Variants in GRIN2B observed in about 807,000 individuals in gnomAD.
The protein encoded by GRIN2B is glutamate receptor ionotropic, NMDA 2B.
A neutral mutation model predicts 114.5 loss-of-function variants in GRIN2B; 5 were observed. That is an observed-to-expected ratio of 0.04 (90% CI 0.02 to 0.09). GRIN2B has a LOEUF of 0.09. Ranked by LOEUF, GRIN2B falls within the 10% of genes least tolerant of loss-of-function variation. The pLI is 1.00. For synonymous variants in GRIN2B, 787 were observed against 745.1 expected, an observed-to-expected ratio of 1.06 and a Z score of -0.92; for missense variants, 1,108 against 1,943.5, an observed-to-expected ratio of 0.57 and a Z score of 8.08.
chr12:13,877,015 G>A lies in GRIN2B; in HGVS notation c.-18-10789C>T, dbSNP rs144359234. ...ATAACAGAAGGGCAATACAATAAAC[G>A]CCAATATCATTTCCAACTTCTTGAT... On this transcript the variant is annotated intron_variant, in intron 2 of 13. Transcript: ENST00000609686. Among the ~76,000 whole-genome samples the A allele has an allele frequency of 1.8e-4, 28 of 152,250 alleles. No individual in the cohort carries two copies. In the East Asian group the frequency reaches 1.9e-3, roughly 10 times the overall value.
chr12:13,696,563 C>T (rs545078807), intron 4 of GRIN2B, among the ~76,000 whole-genome samples: 16 of 152,204 alleles, frequency 1.1e-4, no homozygotes, highest in African/African-American at 2.9e-4. Flanking sequence ...GCAGTCTCAC[C>T]GCCACTAAAA....
intron 4 of GRIN2B, among the ~76,000 whole-genome samples, chr12:13,692,760 CTTTTTTTTT>C (rs71067718): frequency 1.9e-5 from 1 of 52,132 alleles, no homozygotes; most frequent in Non-Finnish European, 3.6e-5. Flanking sequence ...TCTTTCTTTT[CTTTTTTTTT>C]TTTTTTTTTT....
At chr12:13,786,676 A>G (rs886323882) in intron 3 of GRIN2B, among the ~76,000 whole-genome samples, 16 of 149,452 alleles carry the variant, frequency 1.1e-4, no homozygotes, top group Admixed American at 2.7e-4. Context: ...GGCTGAGGGG[A>G]AAAAAAAAAG....
chr12:13,582,275 G>A (rs1948863451), intron 10 of GRIN2B, among the ~76,000 whole-genome samples: 1 of 152,196 alleles, frequency 6.6e-6, no homozygotes, highest in Non-Finnish European at 1.5e-5. Context: ...ATTATAAAGT[G>A]TTCATTGGAG....
chr12:13,564,864 G>GC lies in GRIN2B; in HGVS notation c.2599-226_2599-225insG, dbSNP rs1317725909. On this transcript the variant is annotated intron_variant, in intron 13 of 13. Transcript: ENST00000609686. The surrounding 1 kb of genome is among the most constrained non-coding windows in gnomAD (Gnocchi z 4.8). ...GAGGTCAGTGACCTGGCCATCAGAG[G>GC]GGGGGGCATGGCCCCACCCAGTAAC... 6.6e-6 allele frequency among the ~76,000 whole-genome samples: 1 copy of GC among 152,166 alleles called. No homozygotes were observed. Among genetic ancestry groups the GC allele is most frequent in the Non-Finnish European group, 1.5e-5 (1 of 68,018 alleles).
rs144197797 is a variant in GRIN2B at position 13,880,994 on chromosome 12, T to TTGTGTG, written c.-18-14774_-18-14769dup. Among the ~76,000 whole-genome samples the TTGTGTG allele has an allele frequency of 4.1e-3, 611 of 148,892 alleles. 3 individuals are homozygous for TTGTGTG. Among genetic ancestry groups the TTGTGTG allele is most frequent in the East Asian group, 8.8e-3 (45 of 5,128 alleles). ...CTTTGGCTGACAAAGGGGTATAAGGTTGTGTGTGTGTGTGTGTGTGCGCGT... is the reference window on the plus strand; with the variant it reads ...CTTTGGCTGACAAAGGGGTATAAGGTTGTGTGTGTGTGTGTGTGTGTGTGTGCGCGT... On this transcript the variant is annotated intron_variant, in intron 2 of 13. Coordinates refer to ENST00000609686, the MANE Select transcript of GRIN2B (RefSeq NM_000834.5).
rs1221078763 is a variant in GRIN2B, at chr12:13,563,811, A to T, written c.3427T>A (p.Ser1143Thr). The T allele has an allele frequency of 6.2e-6, 10 of 1,613,990 alleles. No individual in the cohort carries two copies. Among genetic ancestry groups the T allele is most frequent in the Non-Finnish European group, 8.5e-6 (10 of 1,180,018 alleles). Reference sequence around the variant, plus strand: ...AGGTCTACGTGCTCCCAGTGGGGTGAGTTCTCCTTTGTTCGGAACTGGTCC... The same window carrying T: ...AGGTCTACGTGCTCCCAGTGGGGTGTGTTCTCCTTTGTTCGGAACTGGTCC... Reference protein sequence around the residue: ...YLDQFRTKENSPHWEHVDLTD... With the variant: ...YLDQFRTKENTPHWEHVDLTD... Residue 1143 changes from serine to threonine, a missense_variant, in exon 14 of 14, where the codon TCA becomes ACA. Physicochemically the swap from Ser to Thr is moderately conservative, Grantham distance 58 (BLOSUM62 1). Coordinates refer to ENST00000609686, the MANE Select transcript of GRIN2B (RefSeq NM_000834.5).
At chr12:13,636,807 C>T (rs1194438976) in intron 5 of GRIN2B, among the ~76,000 whole-genome samples, 2 of 152,154 alleles carry the variant, frequency 1.3e-5, no homozygotes, top group East Asian at 3.9e-4. Flanking sequence ...CTCTGTATCT[C>T]TGTCTCTGAA....
intron 2 of GRIN2B, among the ~76,000 whole-genome samples, chr12:13,868,088 G>A (rs1290838231): frequency 6.6e-6 from 1 of 152,128 alleles, no homozygotes; most frequent in East Asian, 1.9e-4. Flanking sequence ...ATCCAATCCA[G>A]TTCTTGGCAG....
chr12:13,654,333 G>C (rs1047347064), intron 5 of GRIN2B, among the ~76,000 whole-genome samples: 1 of 152,156 alleles, frequency 6.6e-6, no homozygotes, highest in Non-Finnish European at 1.5e-5. Context: ...GAAAATATTT[G>C]AAAATGTGTG....
chr12:13,914,436 A>T (rs1176906005), intron 2 of GRIN2B, among the ~76,000 whole-genome samples: 1 of 152,200 alleles, frequency 6.6e-6, no homozygotes, highest in African/African-American at 2.4e-5. Flanking sequence ...GCTAGTGAGG[A>T]TGTGGAGAAA....
chr12:13,792,750 T>G (rs220556), intron 3 of GRIN2B, among the ~76,000 whole-genome samples: 148,651 of 152,278 alleles, frequency 0.98, 72,654 homozygotes, highest in Middle Eastern at 1. Flanking sequence ...GCCTAACACA[T>G]ATAGTGGTCC....
At chr12:13,569,461 C>A (rs574926430) in intron 12 of GRIN2B, among the ~76,000 whole-genome samples, 6 of 152,130 alleles carry the variant, frequency 3.9e-5, no homozygotes, top group Non-Finnish European at 7.4e-5. Context: ...AATCAGAGGT[C>A]AGGGGTATGC....
chr12:13,899,207 C>A (rs1302901551), intron 2 of GRIN2B, among the ~76,000 whole-genome samples: 1 of 152,042 alleles, frequency 6.6e-6, no homozygotes, highest in Admixed American at 6.6e-5. Context: ...AGGAGACTAA[C>A]TTGTGCAAAG....
At chr12:13,641,126 C>T (rs755893487) in intron 5 of GRIN2B, among the ~76,000 whole-genome samples, 9 of 151,866 alleles carry the variant, frequency 5.9e-5, no homozygotes, top group African/African-American at 9.7e-5. Flanking sequence ...GTCACCCAGA[C>T]GGTGGCACAA....
intron 2 of GRIN2B, among the ~76,000 whole-genome samples, chr12:13,889,742 T>C (rs561366343): frequency 1.3e-5 from 2 of 152,278 alleles, no homozygotes; most frequent in Non-Finnish European, 2.9e-5. Context: ...GCAGCAAGGA[T>C]GGATTTTCGC....
At chr12:13,898,728 A>C (rs914434896) in intron 2 of GRIN2B, among the ~76,000 whole-genome samples, 1 of 152,222 alleles carries the variant, frequency 6.6e-6, no homozygotes, top group African/African-American at 2.4e-5. Flanking sequence ...CCTGACCGAC[A>C]TGGAGAAACC....
intron 8 of GRIN2B, among the ~76,000 whole-genome samples, chr12:13,614,475 T>G (rs1187402744): frequency 6.6e-6 from 1 of 152,024 alleles, no homozygotes; most frequent in African/African-American, 2.4e-5. Context: ...AAAGACCTCA[T>G]CTAATTGAAA....
At chr12:13,670,887 A>T (rs1355207159) in intron 5 of GRIN2B, among the ~76,000 whole-genome samples, 1 of 152,164 alleles carries the variant, frequency 6.6e-6, no homozygotes, top group African/African-American at 2.4e-5. Context: ...CTAAGCCTCC[A>T]AGAGGTTCCT....
Sources: allele counts gnomAD v4.1 joint callset (sites outside exome capture counted in the v4.1 genomes callset), GRCh38; gene constraint gnomAD v4.1.1; non-coding constraint Gnocchi (gnomAD v3.1); transcripts MANE v1.5; gene names NCBI Gene and HGNC (gene_info 2026-07-23, HGNC 2026-07-21).